The following SLIT3 variants were observed in gnomAD, a reference collection of about 807,000 sequenced individuals.
SLIT3 encodes the protein slit homolog 3 protein.
In SLIT3, 68 loss-of-function variants were observed where a neutral mutation model predicts 184.0. That is an observed-to-expected ratio of 0.37 (90% CI 0.30 to 0.45). The LOEUF (loss-of-function observed/expected upper bound fraction) is 0.45. SLIT3 is among the 20% of genes least tolerant of loss of function. The probability of loss-of-function intolerance (pLI) is 1.00; values close to 1 mark genes in which losing one functional copy is unlikely to be tolerated. For synonymous variants in SLIT3, 831 were observed against 828.6 expected (o/e 1.00, Z -0.05); for missense variants, 1,707 against 2,026.0 (o/e 0.84, Z 3.02).
chr5:169,063,585 G>A (rs1053957751), intron 4 of SLIT3, among the ~76,000 whole-genome samples: 1 of 152,198 alleles, frequency 6.6e-6, no homozygotes, highest in East Asian at 1.9e-4. Flanking sequence ...TCCACCTGTG[G>A]CCACAATTGA....
At chr5:168,819,814 G>A (rs542201513) in intron 7 of SLIT3, among the ~76,000 whole-genome samples, 58 of 152,282 alleles carry the variant, frequency 3.8e-4, no homozygotes, top group African/African-American at 1.4e-3. Context: ...TCTTGATACA[G>A]ATAGTTCCTA....
intron 4 of SLIT3, among the ~76,000 whole-genome samples, chr5:169,032,451 A>T (rs1293676567): frequency 6.6e-6 from 1 of 152,180 alleles, no homozygotes; most frequent in East Asian, 1.9e-4. Context: ...GAATTATAAA[A>T]ATAGTCATAT....
intron 3 of SLIT3, among the ~76,000 whole-genome samples, chr5:169,235,626 T>C (rs905282939): frequency 1.3e-5 from 2 of 152,220 alleles, no homozygotes; most frequent in Non-Finnish European, 2.9e-5. Context: ...GGATACAACA[T>C]TACATTTAGT....
intron 12 of SLIT3, among the ~76,000 whole-genome samples, chr5:168,780,954 G>A (rs770575624): frequency 6.6e-6 from 1 of 152,206 alleles, no homozygotes; most frequent in Non-Finnish European, 1.5e-5. Context: ...GGTGCTGTAG[G>A]CCACGTCTTG....
At chr5:169,203,351 GCACACA>G (rs36206656) in intron 3 of SLIT3, among the ~76,000 whole-genome samples, 8,183 of 147,426 alleles carry the variant, frequency 0.056, 315 homozygotes, top group East Asian at 0.15. Flanking sequence ...ATGTGAATGT[GCACACA>G]CACACACACA....
At chr5:169,148,986 C>T (rs1474681607) in intron 4 of SLIT3, among the ~76,000 whole-genome samples, 8 of 152,196 alleles carry the variant, frequency 5.3e-5, no homozygotes, top group African/African-American at 1.7e-4. Flanking sequence ...AAAGCAGTAT[C>T]GTTATTCCCA....
At chr5:168,884,505 T>TA (rs1256663145) in intron 4 of SLIT3, among the ~76,000 whole-genome samples, 967 of 41,246 alleles carry the variant, frequency 0.023, 27 homozygotes, top group African/African-American at 0.058. Context: ...AATATTAAGG[T>TA]AAAAAAAAAA....
chr5:169,160,893 A>G (rs182683594), intron 4 of SLIT3, among the ~76,000 whole-genome samples: 36 of 152,336 alleles, frequency 2.4e-4, no homozygotes, highest in South Asian at 4.1e-4. Flanking sequence ...TAACATGGCA[A>G]TGGGAGACTT....
chr5:168,834,057 C>A (rs1384647365), intron 6 of SLIT3, among the ~76,000 whole-genome samples: 1 of 152,202 alleles, frequency 6.6e-6, no homozygotes, highest in Non-Finnish European at 1.5e-5. Context: ...CAGTGTGCAG[C>A]ATGTGAAAAC....
intron 4 of SLIT3, among the ~76,000 whole-genome samples, chr5:169,109,468 C>A (rs1427190457): frequency 6.6e-6 from 1 of 152,208 alleles, no homozygotes; most frequent in Non-Finnish European, 1.5e-5. Flanking sequence ...TCCTGAGAGA[C>A]CCTGAGCAGA....
At chr5:168,695,600 C>A (rs1004945043) in intron 28 of SLIT3, among the ~76,000 whole-genome samples, 1 of 152,138 alleles carries the variant, frequency 6.6e-6, no homozygotes, top group Non-Finnish European at 1.5e-5. Flanking sequence ...AAATTGGTAG[C>A]ATTTTGCTTC....
At chr5:169,285,539 T>G (rs1040806506) in intron 1 of SLIT3, among the ~76,000 whole-genome samples, 1 of 152,216 alleles carries the variant, frequency 6.6e-6, no homozygotes, top group Non-Finnish European at 1.5e-5. Context: ...GGCAAGCTTG[T>G]ACTGTTCAGA....
Position 168,692,705 on chromosome 5 carries a change from C to T in SLIT3, c.3083-5G>A. ...TCACCTCGTCGCATAGCTCACCTGG[C>T]ACAGATGGGGGAGATAGCTCAGGCC... On this transcript the variant is annotated splice_polypyrimidine_tract_variant and splice_region_variant and intron_variant, in intron 28 of 35. Transcript: ENST00000519560. The T allele has an allele frequency of 6.2e-7, 1 of 1,611,292 alleles. No homozygotes were observed. The highest frequency in any genetic ancestry group is 8.5e-7 in the Non-Finnish European group (1 of 1,177,620).
Position 168,663,010 on chromosome 5 carries a change from G to A in SLIT3, c.*3444C>T, listed in dbSNP as rs2113136904. ...CAGGGCTTCCAAACTTGAGGGAGAAGGCTCAAAATTATAAGGGACAGACCT... is the reference window on the plus strand; with the variant it reads ...CAGGGCTTCCAAACTTGAGGGAGAAAGCTCAAAATTATAAGGGACAGACCT... On this transcript the variant is annotated 3_prime_UTR_variant, in exon 36 of 36. Transcript: ENST00000519560. 6.6e-6 allele frequency: 1 copy of A among 152,370 alleles called. No homozygotes were observed. The highest frequency in any genetic ancestry group is 6.5e-5 in the Admixed American group (1 of 15,310). 9.4% of individuals were successfully genotyped at this position (152,370 alleles called of 1,614,324 possible). A position where few individuals can be genotyped will look rare whatever the true frequency, so the allele number is the denominator to read the frequency against.
intron 1 of SLIT3, among the ~76,000 whole-genome samples, chr5:169,268,804 C>T (rs1766494802): frequency 6.6e-6 from 1 of 152,202 alleles, no homozygotes; most frequent in South Asian, 2.1e-4. Context: ...AAAAGTTGTA[C>T]TGCTGGAAAA....
At chr5:169,204,858 C>T (rs554813007) in intron 3 of SLIT3, among the ~76,000 whole-genome samples, 6 of 152,260 alleles carry the variant, frequency 3.9e-5, no homozygotes, top group African/African-American at 1.2e-4. Context: ...GGTTGCCGGG[C>T]GGCAGCCAAT....
chr5:169,298,339 A>C (rs1295449315), intron 1 of SLIT3, among the ~76,000 whole-genome samples: 1 of 151,848 alleles, frequency 6.6e-6, no homozygotes, highest in Non-Finnish European at 1.5e-5. Flanking sequence ...CTGTTTCTCC[A>C]GTTCTAGAGC....
chr5:168,730,999 G>T (rs982407932), intron 20 of SLIT3, among the ~76,000 whole-genome samples: 1 of 151,726 alleles, frequency 6.6e-6, no homozygotes, highest in African/African-American at 2.4e-5. Flanking sequence ...AGAAAAAGTT[G>T]GTTCTTCAAA....
chr5:169,063,420 C>A (rs1307044460), intron 4 of SLIT3, among the ~76,000 whole-genome samples: 1 of 152,230 alleles, frequency 6.6e-6, no homozygotes, highest in East Asian at 1.9e-4. Flanking sequence ...TTCAATCCTT[C>A]CCACATTCCC....
Sources: gnomAD v4.1 joint callset for allele counts (sites outside exome capture counted in the v4.1 genomes callset) on GRCh38, gnomAD v4.1.1 for gene constraint, MANE v1.5 for transcripts, NCBI Gene and HGNC (gene_info 2026-07-23, HGNC 2026-07-21) for gene names.